The following SELENOF variants were observed in gnomAD, a reference collection of about 807,000 sequenced individuals.
The protein encoded by SELENOF is selenoprotein F.
In SELENOF, 16 loss-of-function variants were observed where a neutral mutation model predicts 20.5. That is an observed-to-expected ratio of 0.78 (90% CI 0.53 to 1.19). The LOEUF (loss-of-function observed/expected upper bound fraction) is 1.19. Among genes scored for constraint, SELENOF ranks in the 50% most tolerant of loss-of-function variants. SELENOF has a pLI of 0.00. For synonymous variants in SELENOF, 78 were observed against 74.5 expected (o/e 1.05, Z -0.24); for missense variants, 215 against 194.2 (o/e 1.11, Z -0.64).
At chr1:86,871,278 G>A (rs1658759814) in intron 3 of SELENOF, among the ~76,000 whole-genome samples, 1 of 152,058 alleles carries the variant, frequency 6.6e-6, no homozygotes, top group Non-Finnish European at 1.5e-5. Flanking sequence ...AAACAATGTC[G>A]TTAATTTAAC....
At chr1:86,876,152 T>C (rs1658919424) in intron 3 of SELENOF, among the ~76,000 whole-genome samples, 1 of 150,766 alleles carries the variant, frequency 6.6e-6, no homozygotes. Context: ...TGGATAAAGA[T>C]GTTAAGGTCC....
intron 2 of SELENOF, among the ~76,000 whole-genome samples, chr1:86,882,900 C>T (rs901982718): frequency 1.3e-5 from 2 of 151,996 alleles, no homozygotes; most frequent in East Asian, 1.9e-4. Flanking sequence ...CCGAGGTGGG[C>T]GGATCATCTG....
rs371388817 is a variant in SELENOF at position 86,900,640 on chromosome 1, G to A, written c.252+2641C>T. ...CCGTGGGGAGGGGGAGAGGGAGACCGTGGGGAAAGGGAGAGGGAGAGGGAG... is the reference window on the plus strand; with the variant it reads ...CCGTGGGGAGGGGGAGAGGGAGACCATGGGGAAAGGGAGAGGGAGAGGGAG... On this transcript the variant is annotated intron_variant, in intron 2 of 4. Transcript: ENST00000331835. Among the ~76,000 whole-genome samples, 17 of 151,318 alleles carry A rather than the reference G, an allele frequency of 1.1e-4. No homozygotes were observed. In the South Asian group the frequency reaches 2.9e-3, roughly 26 times the overall value.
chr1:86,886,477 T>C (rs997688171), intron 2 of SELENOF, among the ~76,000 whole-genome samples: 18 of 152,062 alleles, frequency 1.2e-4, no homozygotes, highest in African/African-American at 3.6e-4. Flanking sequence ...CTTGTAGCTA[T>C]AGATTCTCAT....
At chr1:86,879,322 C>A (rs1211149395) in intron 3 of SELENOF, among the ~76,000 whole-genome samples, 2 of 152,104 alleles carry the variant, frequency 1.3e-5, no homozygotes, top group Non-Finnish European at 2.9e-5. Context: ...ATAAATAAAT[C>A]AGAGTAAGAA....
chr1:86,869,572 G>T (rs1658701389), intron 3 of SELENOF, among the ~76,000 whole-genome samples: 2 of 152,020 alleles, frequency 1.3e-5, no homozygotes, highest in African/African-American at 4.8e-5. Flanking sequence ...CCTATACATG[G>T]GGCATTTATT....
intron 1 of SELENOF, among the ~76,000 whole-genome samples, chr1:86,910,702 C>CAAAAA (rs36124875): frequency 1.3e-4 from 11 of 82,812 alleles, no homozygotes; most frequent in African/African-American, 3.6e-4. Flanking sequence ...GACTCCATAT[C>CAAAAA]AAAAAAAAAA....
intron 4 of SELENOF, 51 bp downstream of exon 4, chr1:86,868,002 A>G (rs1329877666): frequency 2.6e-6 from 2 of 780,712 alleles, no homozygotes; most frequent in Non-Finnish European, 3.9e-6. Flanking sequence ...TTAATTATAA[A>G]ATAAAGAAAT....
chr1:86,865,262 CA>C (rs1258155392), intron 4 of SELENOF, among the ~76,000 whole-genome samples: 1 of 151,650 alleles, frequency 6.6e-6, no homozygotes, highest in East Asian at 1.9e-4. Context: ...TAAAAGTAGG[CA>C]AAAAAACAAA....
In SELENOF at chr1:86,907,998, CAA is replaced by C. The variant is rs368415232; in HGVS notation, c.85-4552_85-4551del. ...TGAATCGCCATCTCAAAAAAAAAAA[CAA>C]AAAAAAAAACCAAGGCTCTATTCCC... On this transcript the variant is annotated intron_variant, in intron 1 of 4. Transcript: ENST00000331835. Among the ~76,000 whole-genome samples the C allele has an allele frequency of 3.7e-3, 518 of 139,718 alleles. 2 individuals are homozygous for C. The highest frequency in any genetic ancestry group is 0.013 in the African/African-American group (500 of 37,412). The allele number at this position is 139,718 out of a possible 152,430, so 91.7% of individuals were successfully genotyped here. A position where few individuals can be genotyped will look rare whatever the true frequency, so the allele number is the denominator to read the frequency against.
chr1:86,899,441 C>A (rs1290221108), intron 2 of SELENOF, among the ~76,000 whole-genome samples: 1 of 102,154 alleles, frequency 9.8e-6, no homozygotes, highest in South Asian at 2.8e-4. Context: ...CCCTCCCGGA[C>A]GGGGCGGCTG....
intron 1 of SELENOF, among the ~76,000 whole-genome samples, chr1:86,910,238 T>C (rs1250087150): frequency 6.6e-6 from 1 of 152,218 alleles, no homozygotes; most frequent in Non-Finnish European, 1.5e-5. Context: ...ATGAATTCAA[T>C]AGGCAGAGTT....
intron 4 of SELENOF, among the ~76,000 whole-genome samples, chr1:86,864,672 T>C (rs1350638009): frequency 1.3e-5 from 2 of 151,810 alleles, no homozygotes; most frequent in Non-Finnish European, 2.9e-5. Context: ...GAGTTTCGCT[T>C]GTTGTCCAGG....
chr1:86,862,699 C>T lies in SELENOF; in HGVS notation c.*775G>A, dbSNP rs1017793183. ...TCATTTTTAAACATGAAAGAACAAA[C>T]CAGAAGAATTCCAAATTCAGATAGA... On this transcript the variant is annotated 3_prime_UTR_variant, in exon 5 of 5. Coordinates refer to ENST00000331835, the MANE Select transcript of SELENOF (RefSeq NM_004261.5). 2 of 152,026 alleles carry T rather than the reference C, an allele frequency of 1.3e-5. No individual in the cohort carries two copies. Among genetic ancestry groups the T allele is most frequent in the African/African-American group, 4.8e-5 (2 of 41,390 alleles). The allele number at this position is 152,026 out of a possible 1,614,324, so 9.4% of individuals were successfully genotyped here.
At position 86,903,373 on chromosome 1, in the gene SELENOF, A is replaced by G. The variant is rs1318991923; in HGVS notation, c.160T>C (p.Ser54Pro). Residue 54 changes from serine (S) to proline (P), a missense_variant, in exon 2 of 5, where the codon TCT becomes CCT. By Grantham distance (74) the Ser-to-Pro change is moderately conservative. Transcript: ENST00000331835. ...TTGAACTGTCCGAGAAGATCACAAG[A>G]GCTGCAAAGCAAGTTGCTAGAAAAG... ...LGFSSNLLCS[S>P]CDLLGQFNLL... 5 of 1,612,358 alleles carry G rather than the reference A, an allele frequency of 3.1e-6. No individual in the cohort carries two copies. In the South Asian group the frequency reaches 5.5e-5, roughly 18 times the overall value.
At chr1:86,881,155 T>C (rs1161249068) in intron 2 of SELENOF, among the ~76,000 whole-genome samples, 1 of 152,224 alleles carries the variant, frequency 6.6e-6, no homozygotes, top group African/African-American at 2.4e-5. Flanking sequence ...TAATATTAAG[T>C]GATCAAAGTT....
At chr1:86,907,719 C>G (rs988747378) in intron 1 of SELENOF, among the ~76,000 whole-genome samples, 4 of 152,098 alleles carry the variant, frequency 2.6e-5, no homozygotes, top group African/African-American at 9.7e-5. Flanking sequence ...TGCGGTGGCT[C>G]ACATCTATAA....
intron 2 of SELENOF, among the ~76,000 whole-genome samples, chr1:86,889,621 CA>C (rs1659325356): frequency 6.6e-6 from 1 of 151,882 alleles, no homozygotes; most frequent in Admixed American, 6.6e-5. Context: ...ACAACAACAA[CA>C]AAAAAACTAT....
chr1:86,909,942 T>C (rs1329119845), intron 1 of SELENOF, among the ~76,000 whole-genome samples: 2 of 151,972 alleles, frequency 1.3e-5, no homozygotes, highest in Admixed American at 1.3e-4. Flanking sequence ...GAGGCGGAGA[T>C]TGCACCACTG....
Sources: allele counts gnomAD v4.1 joint callset (sites outside exome capture counted in the v4.1 genomes callset), GRCh38; gene constraint gnomAD v4.1.1; transcripts MANE v1.5; gene names NCBI Gene and HGNC (gene_info 2026-07-23, HGNC 2026-07-21).